RPS6KA2: variants seen among roughly 807,000 people sequenced by gnomAD.
The protein encoded by RPS6KA2 is ribosomal protein S6 kinase alpha-2.
RPS6KA2 carries 42 observed loss-of-function variants against 91.8 expected under a neutral mutation model. The ratio of observed to expected loss-of-function variants is 0.46; its 90% confidence interval spans 0.36 to 0.59. The LOEUF (loss-of-function observed/expected upper bound fraction) is 0.59, where lower values mean the gene tolerates loss of function less well. RPS6KA2 is among the 20% of genes least tolerant of loss of function. The pLI is 0.00. For missense variants in RPS6KA2, 798 were observed against 978.5 expected, an observed-to-expected ratio of 0.82 and a Z score of 2.46; for synonymous variants, 414 against 393.6, an observed-to-expected ratio of 1.05 and a Z score of -0.61.
chr6:166,805,775 C>A (rs909291150), intron 2 of RPS6KA2, among the ~76,000 whole-genome samples: 2 of 151,980 alleles, frequency 1.3e-5, no homozygotes, highest in Non-Finnish European at 2.9e-5. Flanking sequence ...AAAAAATAAA[C>A]CAAAAACTGT....
intron 2 of RPS6KA2, among the ~76,000 whole-genome samples, chr6:166,774,474 G>C (rs1778561765): frequency 6.6e-6 from 1 of 152,162 alleles, no homozygotes; most frequent in African/African-American, 2.4e-5. Context: ...GGGTCTTTGA[G>C]AATGCTGTGA....
At chr6:166,651,627 T>C (rs1219155103) in intron 2 of RPS6KA2, among the ~76,000 whole-genome samples, 1 of 152,260 alleles carries the variant, frequency 6.6e-6, no homozygotes, top group East Asian at 1.9e-4. Context: ...GTGACATCCT[T>C]TGGCAGTGAT....
In RPS6KA2 at chr6:166,657,685, C is replaced by T. The variant is rs79565303; in HGVS notation, c.124-118901G>A. 5.4e-3 allele frequency among the ~76,000 whole-genome samples: 823 copies of T among 152,236 alleles called. 7 individuals are homozygous for T. Among genetic ancestry groups the T allele is most frequent in the African/African-American group, 0.019 (784 of 41,536 alleles). ...TGGTTTCTAAGGAGAGTGTGCTAGG[C>T]GTTGGAAGGAGAAGAACGGGAAGAG... On this transcript the variant is annotated intron_variant, in intron 2 of 21. Transcript: ENST00000503859.
intron 12 of RPS6KA2, among the ~76,000 whole-genome samples, chr6:166,455,296 G>T (rs1209477383): frequency 6.6e-6 from 1 of 152,134 alleles, no homozygotes; most frequent in Non-Finnish European, 1.5e-5. Context: ...CCGCTCCGAA[G>T]CCCAGGAGCC....
intron 2 of RPS6KA2, among the ~76,000 whole-genome samples, chr6:166,682,059 T>G (rs1310833127): frequency 1.3e-5 from 2 of 152,196 alleles, no homozygotes; most frequent in African/African-American, 4.8e-5. Flanking sequence ...CATTCGTAAG[T>G]AGAGTTCTGA....
chr6:166,723,367 C>T (rs1357190788), intron 2 of RPS6KA2, among the ~76,000 whole-genome samples: 3 of 152,130 alleles, frequency 2.0e-5, no homozygotes, highest in Non-Finnish European at 4.4e-5. Flanking sequence ...CTTCCTCACC[C>T]CAGGGGGGTC....
rs371393927 is a variant in RPS6KA2 at position 166,448,931 on chromosome 6, G to A, written c.1207-82C>T. On this transcript the variant is annotated intron_variant, in intron 13 of 20. Transcript: ENST00000265678. The surrounding 1 kb of genome is among the most constrained non-coding windows in gnomAD (Gnocchi z 4.7). ...CAGCTACACGCACACAGAATGTGGG[G>A]CGAAGAGAGGCACCGACTGTGAACT... is the stretch of plus-strand genomic sequence containing the variant. 1.6e-5 allele frequency: 25 copies of A among 1,538,468 alleles called. No individual in the cohort carries two copies. In the East Asian group the frequency reaches 3.9e-4, roughly 24 times the overall value.
chr6:166,844,103 C>G (rs1015361048), intron 2 of RPS6KA2, among the ~76,000 whole-genome samples: 2 of 151,896 alleles, frequency 1.3e-5, no homozygotes, highest in African/African-American at 4.8e-5. Context: ...AAATCAAAGA[C>G]ACACTTAGAG....
In RPS6KA2 at chr6:166,643,690, C is replaced by T. The variant is rs867342215; in HGVS notation, c.124-104906G>A. On this transcript the variant is annotated intron_variant, in intron 2 of 21. Transcript: ENST00000503859. ...TCTCATCTGGACGATGTGGTACCTG[C>T]CTTCAATTTTGTTTACCAAGATTAA... is the stretch of plus-strand genomic sequence containing the variant. Among the ~76,000 whole-genome samples, 3 of 152,296 alleles carry T rather than the reference C, an allele frequency of 2.0e-5. No individual in the cohort carries two copies. The East Asian group carries it at 5.8e-4, about 29-fold the overall frequency.
At chr6:166,653,092 G>A (rs990117120) in intron 2 of RPS6KA2, among the ~76,000 whole-genome samples, 6 of 152,160 alleles carry the variant, frequency 3.9e-5, no homozygotes, top group East Asian at 1.9e-4. Flanking sequence ...AGGGAGTCTC[G>A]TTCTGTCTCC....
intron 2 of RPS6KA2, among the ~76,000 whole-genome samples, chr6:166,789,065 C>T (rs922107763): frequency 5.3e-5 from 8 of 152,172 alleles, no homozygotes; most frequent in African/African-American, 1.7e-4. Context: ...CGAGGCATTA[C>T]CTCACTCGGG....
At chr6:166,799,511 G>C (rs1197042159) in intron 2 of RPS6KA2, among the ~76,000 whole-genome samples, 1 of 151,704 alleles carries the variant, frequency 6.6e-6, no homozygotes, top group Non-Finnish European at 1.5e-5. Flanking sequence ...TCCTAAAGGA[G>C]TAGTTAGAAT....
chr6:166,645,923 G>A (rs952116559), intron 2 of RPS6KA2, among the ~76,000 whole-genome samples: 1 of 152,224 alleles, frequency 6.6e-6, no homozygotes, highest in Non-Finnish European at 1.5e-5. Flanking sequence ...AGGATGCAAA[G>A]ACAATCTGTG....
chr6:166,558,744 C>G (rs1380855746), intron 1 of RPS6KA2, among the ~76,000 whole-genome samples: 1 of 152,120 alleles, frequency 6.6e-6, no homozygotes, highest in South Asian at 2.1e-4. Flanking sequence ...GTGAGGGATC[C>G]GAGAGGCCTA....
At chr6:166,624,745 G>T (rs922533943) in intron 1 of RPS6KA2, among the ~76,000 whole-genome samples, 3 of 152,112 alleles carry the variant, frequency 2.0e-5, no homozygotes, top group Admixed American at 6.5e-5. Flanking sequence ...AATAGAATGA[G>T]GAAAGTTACA....
intron 8 of RPS6KA2, among the ~76,000 whole-genome samples, chr6:166,496,721 A>G (rs1781798703): frequency 1.3e-5 from 2 of 152,238 alleles, no homozygotes; most frequent in African/African-American, 2.4e-5. Flanking sequence ...GTTATAGGAC[A>G]GGACCCAGAG....
chr6:166,782,654 T>C (rs1035987319), intron 2 of RPS6KA2, among the ~76,000 whole-genome samples: 1 of 152,170 alleles, frequency 6.6e-6, no homozygotes, highest in African/African-American at 2.4e-5. Context: ...AAAGCCTGTG[T>C]CTGCATCTTA....
intron 1 of RPS6KA2, among the ~76,000 whole-genome samples, chr6:166,614,387 C>G (rs531951827): frequency 1.3e-5 from 2 of 152,198 alleles, no homozygotes; most frequent in African/African-American, 4.8e-5. Context: ...TGGGACACAG[C>G]TGTGCTGCCC....
intron 5 of RPS6KA2, 37 bp from the exon 6 acceptor site, chr6:166,504,649 T>A: frequency 7.2e-7 from 1 of 1,393,414 alleles, no homozygotes; most frequent in Non-Finnish European, 1.0e-6. Flanking sequence ...ACAAAAAACG[T>A]TTAACTTGTT....
Sources: gnomAD v4.1 joint callset for allele counts (sites outside exome capture counted in the v4.1 genomes callset) on GRCh38, gnomAD v4.1.1 for gene constraint, Gnocchi (gnomAD v3.1) non-coding constraint, MANE v1.5 for transcripts, NCBI Gene and HGNC (gene_info 2026-07-23, HGNC 2026-07-21) for gene names.